The following ATP2A2 variants were observed in gnomAD, a reference collection of about 807,000 sequenced individuals.
ATP2A2 encodes the protein ATPase sarcoplasmic/endoplasmic reticulum Ca2+ transporting 2.
A neutral mutation model predicts 109.3 loss-of-function variants in ATP2A2; 14 were observed. The observed-to-expected ratio is 0.13, with a 90% confidence interval of 0.08 to 0.20. The LOEUF (loss-of-function observed/expected upper bound fraction) is 0.20, where lower values mean the gene tolerates loss of function less well. Ranked by LOEUF, ATP2A2 falls within the 10% of genes least tolerant of loss-of-function variation. ATP2A2 has a pLI of 1.00. For missense variants in ATP2A2, 657 were observed against 1,321.6 expected (o/e 0.50, Z 7.80); for synonymous variants, 506 against 490.9 (o/e 1.03, Z -0.41).
intron 11 of ATP2A2, 38 bp downstream of exon 11, chr12:110,334,181 AT>A (rs1322793999): frequency 1.2e-6 from 2 of 1,611,374 alleles, no homozygotes; most frequent in African/African-American, 2.7e-5. Context: ...CATGCTGCTT[AT>A]CAGTCGTACT....
intron 5 of ATP2A2, among the ~76,000 whole-genome samples, chr12:110,305,440 G>A (rs916395870): frequency 6.6e-6 from 1 of 152,190 alleles, no homozygotes; most frequent in East Asian, 1.9e-4. Context: ...ACTATGGTGT[G>A]AGGTAGGAGA....
intron 5 of ATP2A2, among the ~76,000 whole-genome samples, chr12:110,310,994 C>T (rs994066590): frequency 3.9e-5 from 6 of 152,272 alleles, no homozygotes; most frequent in African/African-American, 9.6e-5. Context: ...GGACTATGTA[C>T]ATTAACCTCT....
At chr12:110,319,232 A>T (rs1472293820) in intron 5 of ATP2A2, among the ~76,000 whole-genome samples, 2 of 146,748 alleles carry the variant, frequency 1.4e-5, no homozygotes, top group African/African-American at 2.5e-5. Flanking sequence ...TGAAAAAAAA[A>T]AAAAAAAAAA....
chr12:110,323,094 A>T (rs754493392), intron 6 of ATP2A2, 22 bp downstream of exon 6: 2 of 1,572,910 alleles, frequency 1.3e-6, no homozygotes, highest in African/African-American at 2.7e-5. Flanking sequence ...ATATTAAGTC[A>T]TTGAATTTCT....
In ATP2A2 at chr12:110,347,576, G is replaced by T. The variant is rs1879998375; in HGVS notation, c.*1106G>T. On this transcript the variant is annotated 3_prime_UTR_variant, in exon 20 of 20. Transcript: ENST00000539276. ...CATAAGGGCAAGTGTGTATGTGTGT[G>T]TATGTGTGTGTTTTGTAAAATCTGT... 3.2e-6 allele frequency: 4 copies of T among 1,252,554 alleles called. No individual in the cohort carries two copies. Among genetic ancestry groups the T allele is most frequent in the South Asian group, 1.3e-5 (1 of 76,512 alleles). The allele number at this position is 1,252,554 out of a possible 1,614,324, so 77.6% of individuals were successfully genotyped here.
Position 110,348,261 on chromosome 12 carries a change from TC to T in ATP2A2, c.*1796del. 1.0e-6 allele frequency: 1 copy of T among 975,420 alleles called. No homozygotes were observed. The highest frequency in any genetic ancestry group is 1.2e-6 in the Non-Finnish European group (1 of 821,598). 60.4% of individuals were successfully genotyped at this position (975,420 alleles called of 1,614,324 possible). A position where few individuals can be genotyped will look rare whatever the true frequency, so the allele number is the denominator to read the frequency against. Reference sequence around the variant, plus strand: ...CGTCTTAAATAGGCCACTTCCCCACTCCCCCACCCCCCCTTGCTTGGTCTTG... The same window carrying T: ...CGTCTTAAATAGGCCACTTCCCCACTCCCCACCCCCCCTTGCTTGGTCTTG... On this transcript the variant is annotated 3_prime_UTR_variant, in exon 20 of 20. Transcript: ENST00000539276.
rs115876906 is a variant in ATP2A2, at chr12:110,323,196, T to C, written c.544+124T>C. On this transcript the variant is annotated intron_variant, in intron 6 of 19. Coordinates refer to ENST00000539276, the MANE Select transcript of ATP2A2 (RefSeq NM_170665.4). ...ATCTTAATCCTCTCTAAGATACTTA[T>C]TTCTTAGTGCTTTAGTCTCGCTCCA... is the stretch of plus-strand genomic sequence containing the variant. The C allele has an allele frequency of 1.7e-3, 1,396 of 811,498 alleles. 21 individuals carry two copies. The African/African-American group carries it at 0.02, about 12-fold the overall frequency. 50.3% of individuals were successfully genotyped at this position (811,498 alleles called of 1,614,324 possible).
rs201077970 is a variant in ATP2A2, at chr12:110,340,914, C to T, written c.2017C>T (p.Arg673Cys). The T allele has an allele frequency of 3.2e-5, 51 of 1,614,084 alleles. No individual in the cohort carries two copies. Among genetic ancestry groups the T allele is most frequent in the Middle Eastern group, 1.6e-4 (1 of 6,084 alleles). The change falls in exon 14 of 20, where the codon CGC (arginine) becomes TGC (cysteine). Residue 673 changes from arginine (R) to cysteine (C), a missense_variant. Physicochemically the swap from Arg to Cys is radical, Grantham distance 180 (BLOSUM62 -3). This residue lies in a region of ATP2A2 where 180 missense variants were observed against 329.1 expected (regional missense o/e 0.55). Transcript: ENST00000539276. The surrounding 1 kb of genome is among the most constrained non-coding windows in gnomAD (Gnocchi z 6.0). ...CCAGCGAGACGCCTGCCTGAACGCC[C>T]GCTGTTTTGCTCGAGTTGAACCCTC... ...SAQRDACLNA[R>C]CFARVEPSHK...
chr12:110,294,127 T>A (rs925997562), intron 4 of ATP2A2, among the ~76,000 whole-genome samples: 2 of 151,816 alleles, frequency 1.3e-5, no homozygotes, highest in African/African-American at 4.8e-5. Flanking sequence ...CACTGCAAGC[T>A]CCGCCTCCCG....
At chr12:110,288,101 C>CTTTTTTTTT (rs71083111) in intron 3 of ATP2A2, among the ~76,000 whole-genome samples, 1 of 87,300 alleles carries the variant, frequency 1.1e-5, no homozygotes, top group African/African-American at 5.3e-5. Flanking sequence ...ATGCTTTGCC[C>CTTTTTTTTT]TTTTTTTTTT....
intron 5 of ATP2A2, among the ~76,000 whole-genome samples, chr12:110,297,434 C>CAAA (rs5800888): frequency 8.0e-5 from 5 of 62,892 alleles, no homozygotes; most frequent in Admixed American, 1.8e-4. Flanking sequence ...GACTTCATCT[C>CAAA]AAAAAAAAAA....
At chr12:110,304,162 A>C (rs770825525) in intron 5 of ATP2A2, among the ~76,000 whole-genome samples, 1 of 152,210 alleles carries the variant, frequency 6.6e-6, no homozygotes, top group Non-Finnish European at 1.5e-5. Flanking sequence ...TTACTGCTGA[A>C]TAATGTTTAT....
chr12:110,321,042 CAT>C (rs1296467451), intron 5 of ATP2A2, among the ~76,000 whole-genome samples: 1 of 152,158 alleles, frequency 6.6e-6, no homozygotes, highest in African/African-American at 2.4e-5. Flanking sequence ...GTCTGGCTAA[CAT>C]AGTGAAACGC....
At chr12:110,291,415 A>G (rs1183271798) in intron 3 of ATP2A2, among the ~76,000 whole-genome samples, 2 of 151,906 alleles carry the variant, frequency 1.3e-5, no homozygotes, top group Non-Finnish European at 2.9e-5. Flanking sequence ...CATGTCGGCC[A>G]GGCTGGTCTG....
At position 110,348,190 on chromosome 12, in the gene ATP2A2, G is replaced by T. The variant is rs1281890200; in HGVS notation, c.*1720G>T. Reference sequence around the variant, plus strand: ...TTATTTATTAAAAAGCTAAAAACTAGTGAAAGCAAGTAACTGAACCAGTGA... The same window carrying T: ...TTATTTATTAAAAAGCTAAAAACTATTGAAAGCAAGTAACTGAACCAGTGA... On this transcript the variant is annotated 3_prime_UTR_variant, in exon 20 of 20. Coordinates refer to ENST00000539276, the MANE Select transcript of ATP2A2 (RefSeq NM_170665.4). 3.1e-5 allele frequency: 31 copies of T among 985,452 alleles called. 1 individual carries two copies. Among genetic ancestry groups the T allele is most frequent in the Non-Finnish European group, 3.5e-5 (29 of 829,960 alleles). 61.0% of individuals were successfully genotyped at this position (985,452 alleles called of 1,614,324 possible). A position where few individuals can be genotyped will look rare whatever the true frequency, so the allele number is the denominator to read the frequency against.
In ATP2A2 at chr12:110,348,781, C is replaced by T; in HGVS notation, c.*2311C>T. ...GCTCTCGGGAAGGGAGGCTGCTTTGCCCAGCAGGGAACATTTGGGGCAGGG... is the reference window on the plus strand; with the variant it reads ...GCTCTCGGGAAGGGAGGCTGCTTTGTCCAGCAGGGAACATTTGGGGCAGGG... On this transcript the variant is annotated 3_prime_UTR_variant, in exon 20 of 20. Coordinates refer to ENST00000539276, the MANE Select transcript of ATP2A2 (RefSeq NM_170665.4). 1 of 985,512 alleles carries T rather than the reference C, an allele frequency of 1.0e-6. No individual in the cohort carries two copies. The highest frequency in any genetic ancestry group is 1.2e-6 in the Non-Finnish European group (1 of 830,030). The allele number at this position is 985,512 out of a possible 1,614,324, so 61.0% of individuals were successfully genotyped here.
intron 3 of ATP2A2, among the ~76,000 whole-genome samples, chr12:110,290,842 G>T (rs1283178373): frequency 1.3e-5 from 2 of 152,088 alleles, no homozygotes; most frequent in Non-Finnish European, 2.9e-5. Context: ...GACCTCAGGC[G>T]ATCTACCTGT....
intron 3 of ATP2A2, among the ~76,000 whole-genome samples, chr12:110,287,104 T>C (rs1872734713): frequency 6.6e-6 from 1 of 152,022 alleles, no homozygotes; most frequent in South Asian, 2.1e-4. Flanking sequence ...AATACAAAAA[T>C]TAGCCAGGCG....
chr12:110,337,256 T>C (rs567191652), intron 11 of ATP2A2, among the ~76,000 whole-genome samples: 9 of 152,286 alleles, frequency 5.9e-5, no homozygotes, highest in Admixed American at 1.3e-4. Flanking sequence ...ATGTGTAGTT[T>C]AGAAGCAGAG....
Sources: allele counts gnomAD v4.1 joint callset (sites outside exome capture counted in the v4.1 genomes callset), GRCh38; gene constraint gnomAD v4.1.1; regional missense constraint gnomAD v4.1.1; non-coding constraint Gnocchi (gnomAD v3.1); transcripts MANE v1.5; gene names NCBI Gene and HGNC (gene_info 2026-07-23, HGNC 2026-07-21).